IGSF11: variants seen among roughly 807,000 people sequenced by gnomAD.
IGSF11 encodes immunoglobulin superfamily member 11.
Under a neutral mutation model 41.0 loss-of-function variants are expected in IGSF11, and 22 were observed. That is an observed-to-expected ratio of 0.54 (90% CI 0.38 to 0.77). IGSF11 has a LOEUF of 0.77. Ranked by LOEUF, IGSF11 falls within the 30% of genes least tolerant of loss-of-function variation. The pLI is 0.00. For missense variants in IGSF11, 444 were observed against 530.8 expected (o/e 0.84, Z 1.61); for synonymous variants, 219 against 201.3 (o/e 1.09, Z -0.74).
intron 1 of IGSF11, among the ~76,000 whole-genome samples, chr3:118,969,910 C>T (rs1312423576): frequency 1.3e-5 from 2 of 152,178 alleles, no homozygotes; most frequent in African/African-American, 4.8e-5. Context: ...TTCCCTCATC[C>T]TCCTCATCTC....
At chr3:119,028,194 T>A (rs1940006696) in intron 1 of IGSF11, among the ~76,000 whole-genome samples, 1 of 152,168 alleles carries the variant, frequency 6.6e-6, no homozygotes, top group East Asian at 1.9e-4. Context: ...TACTGCAGAC[T>A]GAGAGTGTGG....
At chr3:119,007,931 C>T (rs948520155) in intron 1 of IGSF11, among the ~76,000 whole-genome samples, 5 of 152,262 alleles carry the variant, frequency 3.3e-5, no homozygotes, top group East Asian at 1.9e-4. Context: ...ATATATGCTT[C>T]GGCTTCAAAT....
intron 4 of IGSF11, among the ~76,000 whole-genome samples, chr3:118,912,867 C>T (rs1270874728): frequency 6.6e-6 from 1 of 152,122 alleles, no homozygotes; most frequent in African/African-American, 2.4e-5. Flanking sequence ...GGTGCTGTGG[C>T]TCACATCTGT....
At chr3:119,135,628 G>A (rs2077550684) in intron 1 of IGSF11, among the ~76,000 whole-genome samples, 1 of 152,202 alleles carries the variant, frequency 6.6e-6, no homozygotes, top group African/African-American at 2.4e-5. Flanking sequence ...GTGTAAATTA[G>A]TTCAATCATT....
intron 1 of IGSF11, among the ~76,000 whole-genome samples, chr3:119,065,792 CA>C (rs1193374379): frequency 0.034 from 1,930 of 56,620 alleles, 21 homozygotes; most frequent in African/African-American, 0.1. Flanking sequence ...GACTCTGTCT[CA>C]AAAAAAAAAA....
intron 1 of IGSF11, among the ~76,000 whole-genome samples, chr3:119,073,314 C>G (rs1212411737): frequency 6.6e-6 from 1 of 152,224 alleles, no homozygotes; most frequent in African/African-American, 2.4e-5. Flanking sequence ...CCCCACCTGA[C>G]TCAGGAGCCC....
At chr3:119,058,331 C>G (rs541795426) in intron 1 of IGSF11, among the ~76,000 whole-genome samples, 1 of 152,156 alleles carries the variant, frequency 6.6e-6, no homozygotes, top group Non-Finnish European at 1.5e-5. Context: ...ACAGACACTT[C>G]CCAAAAGAAG....
intron 1 of IGSF11, among the ~76,000 whole-genome samples, chr3:118,994,126 T>C (rs1028978215): frequency 1.3e-5 from 2 of 152,176 alleles, no homozygotes; most frequent in Admixed American, 1.3e-4. Flanking sequence ...GAAAGGCACA[T>C]ATGAAGTAGA....
intron 1 of IGSF11, among the ~76,000 whole-genome samples, chr3:119,096,034 G>A (rs1358048425): frequency 3.3e-5 from 5 of 151,546 alleles, no homozygotes; most frequent in Non-Finnish European, 7.4e-5. Flanking sequence ...AATTCCTTAA[G>A]GATGAAAACT....
At chr3:119,031,359 T>C (rs1358343135) in intron 1 of IGSF11, among the ~76,000 whole-genome samples, 1 of 152,218 alleles carries the variant, frequency 6.6e-6, no homozygotes, top group Non-Finnish European at 1.5e-5. Context: ...CAGTAAGTAC[T>C]GCCTGTCCCT....
intron 1 of IGSF11, among the ~76,000 whole-genome samples, chr3:119,069,321 G>A (rs1338072633): frequency 6.6e-6 from 1 of 152,104 alleles, no homozygotes; most frequent in Admixed American, 6.6e-5. Flanking sequence ...CAAAAACAAT[G>A]AGTGAGTGAA....
At chr3:119,109,893 A>T (rs1335927669), upstream of IGSF11, among the ~76,000 whole-genome samples, 1 of 151,874 alleles carries the variant, frequency 6.6e-6, no homozygotes, top group Non-Finnish European at 1.5e-5. Flanking sequence ...CATGTAGTTG[A>T]GCGGTTTTGA....
intron 1 of IGSF11, among the ~76,000 whole-genome samples, chr3:119,045,285 G>A (rs1040553334): frequency 5.6e-4 from 85 of 152,302 alleles, no homozygotes; most frequent in Admixed American, 2.2e-3. Flanking sequence ...CAGTGGGTGC[G>A]TGCACCGTGC....
At chr3:119,126,815 GTGA>G (rs960693397) in intron 1 of IGSF11, among the ~76,000 whole-genome samples, 4 of 146,134 alleles carry the variant, frequency 2.7e-5, no homozygotes, top group Admixed American at 7.0e-5. Flanking sequence ...CAAGCAGAAA[GTGA>G]CAACAACAGC....
Position 119,076,668 on chromosome 3 carries a change from T to C in IGSF11, c.49+28476A>G, listed in dbSNP as rs576839604. ...CAACAGACATACGAAAAAATGCTCA[T>C]CATCACTGGCCATCAGAGAAATGCA... On this transcript the variant is annotated intron_variant, in intron 1 of 6. Coordinates refer to the IGSF11 transcript ENST00000354673. Among the ~76,000 whole-genome samples the C allele has an allele frequency of 2.6e-5, 4 of 152,252 alleles. No individual in the cohort carries two copies. In the South Asian group the frequency reaches 6.2e-4, roughly 24 times the overall value.
intron 4 of IGSF11, among the ~76,000 whole-genome samples, chr3:118,914,314 CGG>C (rs1940767387): frequency 6.6e-6 from 1 of 151,930 alleles, no homozygotes. Flanking sequence ...ACGCAGAAGA[CGG>C]GTGATTTCTG....
intron 1 of IGSF11, among the ~76,000 whole-genome samples, chr3:119,022,589 C>T (rs141397651): frequency 1.3e-5 from 2 of 152,126 alleles, no homozygotes; most frequent in African/African-American, 4.8e-5. Context: ...AAAGACAATA[C>T]CTAAATGCTA....
At chr3:118,989,315 A>C (rs1576569288) in intron 1 of IGSF11, among the ~76,000 whole-genome samples, 1 of 152,298 alleles carries the variant, frequency 6.6e-6, no homozygotes. Context: ...AAGATGGCTA[A>C]ATACACACGT....
At chr3:119,101,814 T>A (rs2076944324) in intron 1 of IGSF11, among the ~76,000 whole-genome samples, 1 of 152,226 alleles carries the variant, frequency 6.6e-6, no homozygotes, top group African/African-American at 2.4e-5. Flanking sequence ...ATCTATTGAC[T>A]CCACAGTATC....
Sources: gnomAD v4.1 joint callset for allele counts (sites outside exome capture counted in the v4.1 genomes callset) on GRCh38, gnomAD v4.1.1 for gene constraint, MANE v1.5 for transcripts, NCBI Gene and HGNC (gene_info 2026-07-23, HGNC 2026-07-21) for gene names.